SORCS2: variants seen among roughly 807,000 people sequenced by gnomAD.
SORCS2 encodes the protein VPS10 domain-containing receptor SorCS2.
A neutral mutation model predicts 141.6 loss-of-function variants in SORCS2; 100 were observed. That is an observed-to-expected ratio of 0.71 (90% CI 0.60 to 0.83). The LOEUF (loss-of-function observed/expected upper bound fraction) is 0.83. Ranked by LOEUF, SORCS2 falls within the 40% of genes least tolerant of loss-of-function variation. The pLI, the probability that SORCS2 is intolerant of heterozygous loss-of-function variation, is 0.00. For synonymous variants in SORCS2, 789 were observed against 676.9 expected, an observed-to-expected ratio of 1.17 and a Z score of -2.57; for missense variants, 1,646 against 1,560.2, an observed-to-expected ratio of 1.05 and a Z score of -0.93.
At chr4:7,245,620 G>A (rs1713030893) in intron 1 of SORCS2, among the ~76,000 whole-genome samples, 1 of 152,220 alleles carries the variant, frequency 6.6e-6, no homozygotes, top group South Asian at 2.1e-4. Flanking sequence ...GATTTCAAAT[G>A]TGCACAGACG....
intron 2 of SORCS2, among the ~76,000 whole-genome samples, chr4:7,403,087 A>G (rs766184797): frequency 5.9e-5 from 9 of 151,984 alleles, no homozygotes; most frequent in Non-Finnish European, 1.2e-4. Flanking sequence ...TACCACATTC[A>G]TGTCTCGAAG....
chr4:7,216,142 A>G (rs1313093829), intron 1 of SORCS2, among the ~76,000 whole-genome samples: 1 of 152,172 alleles, frequency 6.6e-6, no homozygotes, highest in Non-Finnish European at 1.5e-5. Context: ...GGAGGAACAA[A>G]CAACTCCAGA....
intron 2 of SORCS2, among the ~76,000 whole-genome samples, chr4:7,449,988 C>T (rs1475272627): frequency 6.6e-6 from 1 of 152,208 alleles, no homozygotes; most frequent in Non-Finnish European, 1.5e-5. Context: ...CCTCCAACAA[C>T]CTGAAGAATG....
intron 2 of SORCS2, chr4:7,433,299 C>A: frequency 7.3e-7 from 1 of 1,372,244 alleles, no homozygotes; most frequent in Non-Finnish European, 9.4e-7. Context: ...GGCTCTGGGT[C>A]TCTGGCAGCC....
intron 1 of SORCS2, among the ~76,000 whole-genome samples, chr4:7,301,171 C>T (rs961618283): frequency 7.2e-5 from 11 of 152,186 alleles, no homozygotes; most frequent in Admixed American, 6.5e-5. Context: ...AGCACAGCCC[C>T]GATCTTGGCA....
chr4:7,613,403 C>A (rs1340870014), intron 3 of SORCS2, among the ~76,000 whole-genome samples: 1 of 152,174 alleles, frequency 6.6e-6, no homozygotes, highest in Non-Finnish European at 1.5e-5. Context: ...ACTGCAGGGA[C>A]CCAGCTGAGA....
intron 2 of SORCS2, among the ~76,000 whole-genome samples, chr4:7,454,218 CTGTGTGTTGGGGTCAGGTGCTG>C (rs1728702142): frequency 9.1e-6 from 1 of 110,374 alleles, no homozygotes; most frequent in African/African-American, 3.7e-5. Context: ...GGGTCAGGTG[CTGTGTGTTGGGGTCAGGTGCTG>C]TGTGTTGGGG....
intron 1 of SORCS2, among the ~76,000 whole-genome samples, chr4:7,343,862 T>C (rs1425308342): frequency 6.6e-6 from 1 of 152,150 alleles, no homozygotes; most frequent in Non-Finnish European, 1.5e-5. Flanking sequence ...ACAGGCCCTG[T>C]TGGAGGGGAG....
intron 1 of SORCS2, among the ~76,000 whole-genome samples, chr4:7,260,875 G>A (rs1035415137): frequency 2.0e-5 from 3 of 152,228 alleles, no homozygotes; most frequent in Non-Finnish European, 2.9e-5. Context: ...CCTCCCCCGA[G>A]CAGGGTCTGT....
At chr4:7,649,356 G>A (rs1382382791) in intron 4 of SORCS2, among the ~76,000 whole-genome samples, 2 of 151,312 alleles carry the variant, frequency 1.3e-5, no homozygotes, top group Non-Finnish European at 3.0e-5. Context: ...CAATGGTATC[G>A]GGGGGGCTGT....
intron 2 of SORCS2, among the ~76,000 whole-genome samples, chr4:7,479,799 G>C (rs1389387273): frequency 1.3e-5 from 2 of 152,208 alleles, no homozygotes; most frequent in Non-Finnish European, 2.9e-5. Flanking sequence ...TCCAGTGGTG[G>C]GTGCAGTGAG....
chr4:7,612,174 T>C (rs897112905), intron 3 of SORCS2, among the ~76,000 whole-genome samples: 2 of 152,092 alleles, frequency 1.3e-5, no homozygotes, highest in Admixed American at 1.3e-4. Flanking sequence ...CTGAGCATCA[T>C]CAGCCAGGAT....
At chr4:7,624,186 C>G (rs766039762) in intron 3 of SORCS2, among the ~76,000 whole-genome samples, 2 of 137,212 alleles carry the variant, frequency 1.5e-5, no homozygotes, top group Non-Finnish European at 3.3e-5. Context: ...CACCGTGATT[C>G]AAGCTGCTAT....
chr4:7,315,882 A>G (rs963244081), intron 1 of SORCS2, among the ~76,000 whole-genome samples: 2 of 152,168 alleles, frequency 1.3e-5, no homozygotes, highest in African/African-American at 4.8e-5. Context: ...GAAGCCTGGT[A>G]CACATCACCC....
In SORCS2 at chr4:7,305,253, G is replaced by A. The variant is rs190745089; in HGVS notation, c.481-91035G>A. ...TCACCGTGTTAGCCAGGATGGTCTC[G>A]ATCTGCTGACCTCGTGATCTGCCCG... On this transcript the variant is annotated intron_variant, in intron 1 of 26. Coordinates refer to ENST00000507866, the MANE Select transcript of SORCS2 (RefSeq NM_020777.3). 8.2e-4 allele frequency among the ~76,000 whole-genome samples: 124 copies of A among 152,146 alleles called. 2 individuals are homozygous for A. The East Asian group carries it at 0.021, about 26-fold the overall frequency.
At chr4:7,277,351 C>A (rs1250150478) in intron 1 of SORCS2, among the ~76,000 whole-genome samples, 1 of 152,168 alleles carries the variant, frequency 6.6e-6, no homozygotes, top group Admixed American at 6.5e-5. Context: ...GCGGGGGTCT[C>A]TGCCTGTGTG....
At chr4:7,363,335 T>C (rs1395615497) in intron 1 of SORCS2, among the ~76,000 whole-genome samples, 1 of 149,422 alleles carries the variant, frequency 6.7e-6, no homozygotes, top group Non-Finnish European at 1.5e-5. Flanking sequence ...TCACCATCAA[T>C]ACTATCACCA....
chr4:7,591,450 C>T (rs1437336761), intron 3 of SORCS2, among the ~76,000 whole-genome samples: 1 of 152,132 alleles, frequency 6.6e-6, no homozygotes, highest in African/African-American at 2.4e-5. Flanking sequence ...ACCAAGGGGG[C>T]ACTGGGAAGG....
At chr4:7,427,397 G>C (rs1286119252) in intron 2 of SORCS2, among the ~76,000 whole-genome samples, 2 of 152,194 alleles carry the variant, frequency 1.3e-5, no homozygotes, top group African/African-American at 2.4e-5. Flanking sequence ...TGGAAAGAGA[G>C]GGGGGCCAAC....
Sources: gnomAD v4.1 joint callset for allele counts (sites outside exome capture counted in the v4.1 genomes callset) on GRCh38, gnomAD v4.1.1 for gene constraint, MANE v1.5 for transcripts, NCBI Gene and HGNC (gene_info 2026-07-23, HGNC 2026-07-21) for gene names.